GLDN: variants seen among roughly 807,000 people sequenced by gnomAD.
GLDN encodes collomin.
A neutral mutation model predicts 56.5 loss-of-function variants in GLDN; 47 were observed. That is an observed-to-expected ratio of 0.83 (90% CI 0.66 to 1.06). The LOEUF (loss-of-function observed/expected upper bound fraction) is 1.06. Among genes scored for constraint, GLDN ranks in the 50% least tolerant of loss-of-function variants. GLDN has a pLI of 0.00. For synonymous variants in GLDN, 332 were observed against 278.8 expected, an observed-to-expected ratio of 1.19 and a Z score of -1.90; for missense variants, 782 against 714.3, an observed-to-expected ratio of 1.09 and a Z score of -1.08.
At chr15:51,378,848 G>A (rs1408349515) in intron 2 of GLDN, among the ~76,000 whole-genome samples, 1 of 152,186 alleles carries the variant, frequency 6.6e-6, no homozygotes, top group African/African-American at 2.4e-5. Context: ...TGGGCAGCAA[G>A]GTGAGTGACA....
At chr15:51,344,012 G>C (rs1595796982) in intron 1 of GLDN, among the ~76,000 whole-genome samples, 1 of 152,282 alleles carries the variant, frequency 6.6e-6, no homozygotes, top group East Asian at 1.9e-4. Flanking sequence ...TTGTGCACAG[G>C]AATATCTTGG....
In GLDN at chr15:51,347,497, T is replaced by C. The variant is rs535132402; in HGVS notation, c.363+5450T>C. ...GCCCAAGACAATTCTTCTTCTTCCA[T>C]TGTGGCCCAGGGAAGCCAAAAGATT... On this transcript the variant is annotated intron_variant, in intron 1 of 9. Transcript: ENST00000335449. 2.0e-5 allele frequency among the ~76,000 whole-genome samples: 3 copies of C among 152,294 alleles called. No individual in the cohort carries two copies. The South Asian group carries it at 6.2e-4, about 32-fold the overall frequency.
rs183193010 is a variant in GLDN at position 51,381,512 on chromosome 15, T to C, written c.416-1924T>C. Among the ~76,000 whole-genome samples the C allele has an allele frequency of 2.2e-3, 337 of 152,310 alleles. 2 individuals are homozygous for C. Among genetic ancestry groups the C allele is most frequent in the African/African-American group, 7.4e-3 (307 of 41,564 alleles). ...ATTTTTGCCCAGAGTAGGACTGTTA[T>C]GTATTGAAAGCATATCCTCAAACAC... On this transcript the variant is annotated intron_variant, in intron 2 of 9. Coordinates refer to ENST00000335449, the MANE Select transcript of GLDN (RefSeq NM_181789.4).
chr15:51,344,199 C>T (rs2036937024), intron 1 of GLDN, among the ~76,000 whole-genome samples: 4 of 152,068 alleles, frequency 2.6e-5, no homozygotes, highest in African/African-American at 7.2e-5. Flanking sequence ...TGCCTGAATC[C>T]CATCCCCAGA....
chr15:51,402,885 TG>T (rs2038285805), intron 9 of GLDN, among the ~76,000 whole-genome samples: 1 of 152,204 alleles, frequency 6.6e-6, no homozygotes, highest in Admixed American at 6.5e-5. Flanking sequence ...CCACCCCATT[TG>T]GGCAGTCTTG....
At chr15:51,383,369 G>C in intron 2 of GLDN, 67 bp from the exon 3 acceptor site, 1 of 1,537,866 alleles carries the variant, frequency 6.5e-7, no homozygotes, top group East Asian at 2.3e-5. Context: ...AGATTTGAAG[G>C]TCGGGGGTGC....
Position 51,383,895 on chromosome 15 carries a change from A to T in GLDN, c.541+3A>T. The T allele has an allele frequency of 6.3e-7, 1 of 1,584,336 alleles. No homozygotes were observed. The highest frequency in any genetic ancestry group is 8.6e-7 in the Non-Finnish European group (1 of 1,159,500). ...AAATGGAAAAAGAGGAAAAATGGGT[A>T]TTTTTGGCAACTCTTCTAATTAATT... On this transcript the variant is annotated splice_donor_region_variant and intron_variant, in intron 4 of 9. Transcript: ENST00000335449.
At chr15:51,372,183 C>A (rs931583799) in intron 1 of GLDN, among the ~76,000 whole-genome samples, 1 of 152,184 alleles carries the variant, frequency 6.6e-6, no homozygotes, top group African/African-American at 2.4e-5. Flanking sequence ...ACCATGATAA[C>A]CCATTAATCC....
chr15:51,399,042 C>G (rs1408802743), intron 6 of GLDN, among the ~76,000 whole-genome samples: 1 of 152,172 alleles, frequency 6.6e-6, no homozygotes, highest in East Asian at 1.9e-4. Flanking sequence ...CTTTGGTTGC[C>G]AAGCATTTGC....
intron 1 of GLDN, among the ~76,000 whole-genome samples, chr15:51,373,155 C>T (rs915334971): frequency 2.0e-5 from 3 of 152,140 alleles, no homozygotes; most frequent in African/African-American, 7.2e-5. Context: ...AGTTTTTCTG[C>T]TCTCAAAATG....
intron 2 of GLDN, among the ~76,000 whole-genome samples, chr15:51,383,079 G>A (rs2037802235): frequency 6.6e-6 from 1 of 152,138 alleles, no homozygotes; most frequent in South Asian, 2.1e-4. Flanking sequence ...CACAATGACA[G>A]CACCATCATT....
At chr15:51,361,201 T>C (rs868665125) in intron 1 of GLDN, among the ~76,000 whole-genome samples, 3 of 152,212 alleles carry the variant, frequency 2.0e-5, no homozygotes, top group African/African-American at 4.8e-5. Flanking sequence ...CACTCATCCC[T>C]TCCTACCCTA....
chr15:51,366,879 GA>G (rs75751773), intron 1 of GLDN, among the ~76,000 whole-genome samples: 17,704 of 145,306 alleles, frequency 0.12, 1,939 homozygotes, highest in African/African-American at 0.29. Flanking sequence ...GACCCTGTCT[GA>G]AAAAAAAAAA....
At chr15:51,383,118 A>G (rs1595825685) in intron 2 of GLDN, among the ~76,000 whole-genome samples, 1 of 152,160 alleles carries the variant, frequency 6.6e-6, no homozygotes, top group Non-Finnish European at 1.5e-5. Flanking sequence ...GGCTGCACTC[A>G]TGGCCACCAG....
Position 51,383,842 on chromosome 15 carries a change from C to T in GLDN, c.491C>T (p.Pro164Leu), listed in dbSNP as rs1214145728. ...GHNGLDGQPGPQGPKGEKGAN... is the reference protein window; with the variant it reads ...GHNGLDGQPGLQGPKGEKGAN... ...AACGGATTGGATGGACAGCCTGGTC[C>T]TCAGGGCCCAAAAGGAGAAAAAGGA... The change falls in exon 4 of 10, where the codon CCT becomes CTT. Residue 164 changes from proline (P) to leucine (L), a missense_variant. Coordinates refer to ENST00000335449, the MANE Select transcript of GLDN (RefSeq NM_181789.4). 1.2e-6 allele frequency: 2 copies of T among 1,613,156 alleles called. No individual in the cohort carries two copies. Among genetic ancestry groups the T allele is most frequent in the African/African-American group, 1.3e-5 (1 of 74,798 alleles).
chr15:51,409,953 C>T (rs993343998), downstream of GLDN, among the ~76,000 whole-genome samples: 2 of 152,222 alleles, frequency 1.3e-5, no homozygotes, highest in Admixed American at 1.3e-4. Flanking sequence ...AACCCAGCCT[C>T]ATCTTGCAGA....
At chr15:51,373,736 G>A (rs1595818251) in intron 1 of GLDN, among the ~76,000 whole-genome samples, 2 of 152,314 alleles carry the variant, frequency 1.3e-5, no homozygotes, top group East Asian at 3.9e-4. Context: ...ACTGGGAGAT[G>A]CCCTACAAGG....
Position 51,401,627 on chromosome 15 carries a change from A to T in GLDN, c.1062A>T (p.Ser354=). ...IMVKEFKDQP[S]LLNGSYTFIH... ...TTAAGGAATTCAAGGATCAGCCCTC[A>T]CTTCTGAATGGCAGTTACACGTTCA... Residue 354 remains serine (S), a synonymous_variant, in exon 9 of 10, where the codon TCA becomes TCT. Transcript: ENST00000335449. 3 of 1,614,088 alleles carry T rather than the reference A, an allele frequency of 1.9e-6. No homozygotes were observed. The highest frequency in any genetic ancestry group is 2.5e-6 in the Non-Finnish European group (3 of 1,179,976).
chr15:51,370,684 CA>C (rs748929982), intron 1 of GLDN, among the ~76,000 whole-genome samples: 3 of 151,804 alleles, frequency 2.0e-5, no homozygotes, highest in Non-Finnish European at 4.4e-5. Flanking sequence ...ACAACCATCT[CA>C]ATTAAAAAGT....
Sources: allele counts gnomAD v4.1 joint callset (sites outside exome capture counted in the v4.1 genomes callset), GRCh38; gene constraint gnomAD v4.1.1; transcripts MANE v1.5; gene names NCBI Gene and HGNC (gene_info 2026-07-23, HGNC 2026-07-21).